The following ELFN2 variants were observed in gnomAD, a reference collection of about 807,000 sequenced individuals.
ELFN2 encodes protein phosphatase 1 regulatory subunit 29.
Under a neutral mutation model 45.5 loss-of-function variants are expected in ELFN2, and 17 were observed. The observed-to-expected ratio is 0.37, with a 90% CI of 0.26 to 0.56. The LOEUF is 0.56. Among genes scored for constraint, ELFN2 ranks in the 20% least tolerant of loss-of-function variants. The pLI is 0.77. For synonymous variants in ELFN2, 550 were observed against 551.5 expected (o/e 1.00, Z 0.04); for missense variants, 922 against 1,183.2 (o/e 0.78, Z 3.24).
intron 2 of ELFN2, among the ~76,000 whole-genome samples, chr22:37,398,357 C>G (rs1192261252): frequency 6.6e-6 from 1 of 152,122 alleles, no homozygotes. Context: ...CTGTTCCAGC[C>G]ACCTGCCGTG....
exon 3 of ELFN2, chr22:37,340,885 A>C (rs533291843): frequency 6.6e-6 from 1 of 152,412 alleles, no homozygotes. Context: ...AGGCGAGGCA[A>C]TGGGCACGTG....
chr22:37,388,099 A>C (rs1305083047), intron 2 of ELFN2, among the ~76,000 whole-genome samples: 3 of 143,636 alleles, frequency 2.1e-5, no homozygotes, highest in Non-Finnish European at 3.1e-5. Flanking sequence ...CTACCTCCCC[A>C]CTCCATGCCC....
At chr22:37,392,324 T>TTC (rs1489760220) in intron 2 of ELFN2, among the ~76,000 whole-genome samples, 16 of 144,674 alleles carry the variant, frequency 1.1e-4, no homozygotes, top group South Asian at 2.2e-4. Flanking sequence ...TTCTCTTTTT[T>TTC]TTTTTTTTTT....
At chr22:37,398,781 CAT>C (rs1270401382) in intron 2 of ELFN2, among the ~76,000 whole-genome samples, 2 of 152,048 alleles carry the variant, frequency 1.3e-5, no homozygotes, top group Admixed American at 6.5e-5. Context: ...TGTGTGCACA[CAT>C]GTGCACACAT....
chr22:37,392,495 T>G (rs976548572), intron 2 of ELFN2, among the ~76,000 whole-genome samples: 1 of 152,054 alleles, frequency 6.6e-6, no homozygotes, highest in South Asian at 2.1e-4. Context: ...TTTTTGTGTA[T>G]TTTTAGTAGA....
At chr22:37,380,065 G>C (rs1401958967) in intron 2 of ELFN2, among the ~76,000 whole-genome samples, 1 of 152,226 alleles carries the variant, frequency 6.6e-6, no homozygotes, top group East Asian at 1.9e-4. Flanking sequence ...CAGGCTTGCT[G>C]AACCTCCGGG....
At chr22:37,382,023 CT>C (rs1457761168) in intron 2 of ELFN2, among the ~76,000 whole-genome samples, 1 of 144,636 alleles carries the variant, frequency 6.9e-6, no homozygotes, top group Non-Finnish European at 1.5e-5. Context: ...GAAGCCCCCC[CT>C]GTGATGGGGT....
intron 1 of ELFN2, among the ~76,000 whole-genome samples, chr22:37,358,942 G>A (rs5756646): frequency 0.52 from 78,843 of 152,018 alleles, 21,709 homozygotes; most frequent in Middle Eastern, 0.78. Context: ...TGAGTGGCAG[G>A]GGACTGCCAC....
intron 1 of ELFN2, among the ~76,000 whole-genome samples, chr22:37,355,102 G>A (rs1208099349): frequency 6.6e-6 from 1 of 152,182 alleles, no homozygotes; most frequent in Admixed American, 6.5e-5. Context: ...TCGGCGCTCT[G>A]CTGTGTTCCA....
rs1031177110 is a variant in ELFN2, at chr22:37,403,418, C to CGAGGGGCT, written c.-463+14350_-463+14351insAGCCCCTC. Among the ~76,000 whole-genome samples, 4 of 150,678 alleles carry CGAGGGGCT rather than the reference C, an allele frequency of 2.7e-5. No homozygotes were observed. The East Asian group carries it at 5.8e-4, about 22-fold the overall frequency. ...GGGCCATGCAAGGCGAGCGAGGGGC[C>CGAGGGGCT]GGAGGGTGGGGATGGGCCGAGAGAA... On this transcript the variant is annotated intron_variant, in intron 2 of 2. Coordinates refer to ENST00000402918, the MANE Select transcript of ELFN2 (RefSeq NM_052906.5).
chr22:37,409,510 T>G (rs1932593851), intron 2 of ELFN2, among the ~76,000 whole-genome samples: 1 of 152,184 alleles, frequency 6.6e-6, no homozygotes, highest in African/African-American at 2.4e-5. Context: ...CCAGCCAGAA[T>G]GGGCTCCTGC....
chr22:37,378,860 C>T (rs1931661914), intron 2 of ELFN2, among the ~76,000 whole-genome samples: 2 of 152,262 alleles, frequency 1.3e-5, no homozygotes, highest in South Asian at 4.1e-4. Context: ...CACTTGGCCC[C>T]TAGCCCAGCT....
chr22:37,426,495 C>G (rs1932851102), intron 1 of ELFN2, among the ~76,000 whole-genome samples: 1 of 151,998 alleles, frequency 6.6e-6, no homozygotes, highest in African/African-American at 2.4e-5. Context: ...CACACACACG[C>G]ACACACCACA....
rs773611766 is a variant in ELFN2 at position 37,374,986 on chromosome 22, G to A, written c.549C>T (p.Ala183=). ...CGCACTCACAGTTGAAGGGGTTGCC[G>A]GCCAGCTCACACACCATCAGGCTGG... ...SLASLMVCEL[A]GNPFNCECDL... is the part of the protein sequence containing the mutation. The change falls in exon 3 of 3, where the codon GCC becomes GCT. Residue 183 remains alanine, a synonymous_variant. Transcript: ENST00000402918. The A allele has an allele frequency of 1.4e-5, 23 of 1,613,154 alleles. No homozygotes were observed. Among genetic ancestry groups the A allele is most frequent in the Middle Eastern group, 1.6e-4 (1 of 6,084 alleles).
intron 2 of ELFN2, among the ~76,000 whole-genome samples, chr22:37,407,713 T>C (rs1339559151): frequency 1.3e-5 from 2 of 151,288 alleles, no homozygotes; most frequent in South Asian, 4.2e-4. Flanking sequence ...CTGGCTAACA[T>C]GGTGAAACCC....
At position 37,401,655 on chromosome 22, in the gene ELFN2, A is replaced by C. The variant is rs1932364002; in HGVS notation, c.-463+16114T>G. Among the ~76,000 whole-genome samples the C allele has an allele frequency of 1.3e-5, 2 of 152,202 alleles. 1 individual carries two copies. Among genetic ancestry groups the C allele is most frequent in the South Asian group, 4.1e-4 (2 of 4,834 alleles). On this transcript the variant is annotated intron_variant, in intron 2 of 2. Transcript: ENST00000402918. The stretch of plus-strand genomic sequence containing the variant: ...ACCATCCCTGCACAGGAGCTGCCTA[A>C]TGCGAGCCTGGGGGCCACCGCCCTA...
Position 37,373,929 on chromosome 22 carries a change from T to G in ELFN2, c.1606A>C (p.Thr536Pro). 1 of 1,613,208 alleles carries G rather than the reference T, an allele frequency of 6.2e-7. No individual in the cohort carries two copies. The highest frequency in any genetic ancestry group is 2.2e-5 in the East Asian group (1 of 44,858). The change falls in exon 3 of 3, where the codon ACC (threonine) becomes CCC (proline). Residue 536 changes from threonine (T) to proline (P), a missense_variant. Thr to Pro is a conservative substitution (Grantham distance 38, BLOSUM62 -1). This residue lies in a region of ELFN2 where 564 missense variants were observed against 642.8 expected (regional missense o/e 0.88). Transcript: ENST00000402918. ...NGQGSAAEIS[T>P]IAKEVDKVNQ... ...ACCTTGTCCACCTCCTTGGCAATGG[T>G]GGAGATCTCTGCAGCCGAGCCCTGG...
chr22:37,424,151 C>T (rs1193380448), intron 1 of ELFN2, among the ~76,000 whole-genome samples: 4 of 152,032 alleles, frequency 2.6e-5, no homozygotes, highest in Non-Finnish European at 5.9e-5. Flanking sequence ...GCACTGTGGC[C>T]GGAGCAGGTG....
intron 1 of ELFN2, among the ~76,000 whole-genome samples, chr22:37,359,993 C>A (rs571617432): frequency 4.7e-4 from 72 of 152,338 alleles, no homozygotes; most frequent in African/African-American, 1.6e-3. Context: ...GGAGCTGTAA[C>A]TTCCAGGTCA....
Sources: allele counts gnomAD v4.1 joint callset (sites outside exome capture counted in the v4.1 genomes callset), GRCh38; gene constraint gnomAD v4.1.1; regional missense constraint gnomAD v4.1.1; transcripts MANE v1.5; gene names NCBI Gene and HGNC (gene_info 2026-07-23, HGNC 2026-07-21).